Variants in MRC1 observed in about 807,000 individuals in gnomAD.
MRC1 encodes macrophage mannose receptor 1.
A neutral mutation model predicts 102.9 loss-of-function variants in MRC1; 62 were observed. The observed-to-expected ratio is 0.60, with a 90% CI of 0.49 to 0.74. The LOEUF (loss-of-function observed/expected upper bound fraction) is 0.74. Ranked by LOEUF, MRC1 falls within the 30% of genes least tolerant of loss-of-function variation. MRC1 has a pLI of 0.00. For missense variants in MRC1, 1,237 were observed against 862.8 expected (o/e 1.43, Z -5.43); for synonymous variants, 457 against 298.4 (o/e 1.53, Z -5.48).
intron 11 of MRC1, 84 bp from the exon 12 acceptor site, chr10:17,866,478 C>A: frequency 1.3e-6 from 1 of 779,892 alleles, no homozygotes; most frequent in East Asian, 2.4e-5. Flanking sequence ...AACCCTGATG[C>A]TCGGTTCTGA....
chr10:17,813,682 T>TTA lies in MRC1; in HGVS notation c.61+4174_61+4175dup, dbSNP rs1160018461. Among the ~76,000 whole-genome samples, 1,151 of 123,984 alleles carry TTA rather than the reference T, an allele frequency of 9.3e-3. 14 individuals carry two copies. The highest frequency in any genetic ancestry group is 0.025 in the African/African-American group (838 of 32,932). The allele number at this position is 123,984 out of a possible 152,430, so 81.3% of individuals were successfully genotyped here. ...ATATATACACACACACACACACACATTATATATATATATATATATTTTTTT... is the reference window on the plus strand; with the variant it reads ...ATATATACACACACACACACACACATTATATATATATATATATATATTTTTTT... On this transcript the variant is annotated intron_variant, in intron 1 of 29. Coordinates refer to ENST00000569591, the MANE Select transcript of MRC1 (RefSeq NM_002438.4).
At chr10:17,840,563 A>G (rs1462018029) in intron 4 of MRC1, 130 bp from the exon 5 acceptor site, 3 of 690,508 alleles carry the variant, frequency 4.3e-6, no homozygotes, top group South Asian at 3.4e-5. Flanking sequence ...CAAAGGAGAC[A>G]TGGTAGGCAT....
chr10:17,809,545 A>C lies in MRC1; in HGVS notation c.61+19A>C, dbSNP rs1838191061. On this transcript the variant is annotated intron_variant, in intron 1 of 29. Transcript: ENST00000569591. ...CTACTGGGTAAGTCTGCTCTGAGGC[A>C]GGGGATCTCTGACCTGGGGGGCCGG... 1 of 872,632 alleles carries C rather than the reference A, an allele frequency of 1.1e-6. No homozygotes were observed. The highest frequency in any genetic ancestry group is 1.7e-5 in the Admixed American group (1 of 59,164). 54.1% of individuals were successfully genotyped at this position (872,632 alleles called of 1,614,324 possible).
chr10:17,902,082 A>C lies in MRC1; in HGVS notation c.3759A>C (p.Thr1253=), dbSNP rs1479555827. ...GHCYYIESSY[T]RNWGQASLEC... is the part of the protein sequence containing the mutation. ...GTTACTATATTGAGTCCTCATATAC[A>C]AGAAACTGGGGCCAAGCTTCTCTGG... The change falls in exon 26 of 30, where the codon ACA becomes ACC. Residue 1253 remains threonine (T), a synonymous_variant. Transcript: ENST00000569591. 1 of 780,664 alleles carries C rather than the reference A, an allele frequency of 1.3e-6. No individual in the cohort carries two copies. Among genetic ancestry groups the C allele is most frequent in the Non-Finnish European group, 2.4e-6 (1 of 417,940 alleles). 48.4% of individuals were successfully genotyped at this position (780,664 alleles called of 1,614,324 possible).
intron 21 of MRC1, 82 bp from the exon 22 acceptor site, chr10:17,885,187 A>G: frequency 3.9e-6 from 3 of 774,400 alleles, no homozygotes; most frequent in Non-Finnish European, 7.2e-6. Flanking sequence ...AAATATTTTG[A>G]AATTCATATA....
At chr10:17,834,564 C>G (rs782023147) in intron 4 of MRC1, among the ~76,000 whole-genome samples, 28,758 of 152,064 alleles carry the variant, frequency 0.19, 3,025 homozygotes, top group Middle Eastern at 0.26. Context: ...AGGTGCTTGC[C>G]ACCATGCCCA....
At chr10:17,833,631 T>C (rs1838615769) in intron 3 of MRC1, 44 bp from the exon 4 acceptor site, 1 of 780,866 alleles carries the variant, frequency 1.3e-6, no homozygotes, top group Non-Finnish European at 2.4e-6. Context: ...CTGGAAGTGT[T>C]TTCTATGCAT....
chr10:17,811,077 G>A (rs1589159998), intron 1 of MRC1, among the ~76,000 whole-genome samples: 1 of 152,212 alleles, frequency 6.6e-6, no homozygotes, highest in Non-Finnish European at 1.5e-5. Flanking sequence ...ATAGGCATGA[G>A]CCACAGCGCC....
intron 21 of MRC1, among the ~76,000 whole-genome samples, chr10:17,884,646 A>C (rs1415193357): frequency 2.0e-5 from 3 of 152,174 alleles, no homozygotes; most frequent in Non-Finnish European, 4.4e-5. Context: ...AGCTCTTGTA[A>C]GAACTCATCT....
At chr10:17,862,377 C>T (rs972767997) in intron 10 of MRC1, among the ~76,000 whole-genome samples, 128 of 152,252 alleles carry the variant, frequency 8.4e-4, no homozygotes, top group African/African-American at 3.0e-3. Flanking sequence ...AAACTCAGAA[C>T]GTAGGTACTT....
chr10:17,853,444 G>GTA (rs1286720012), intron 8 of MRC1, among the ~76,000 whole-genome samples: 31,282 of 151,514 alleles, frequency 0.21, 3,255 homozygotes, highest in South Asian at 0.25. Flanking sequence ...TTATAATGGT[G>GTA]TATATATATA....
intron 28 of MRC1, among the ~76,000 whole-genome samples, chr10:17,908,058 T>G (rs1282785397): frequency 2.0e-5 from 3 of 152,212 alleles, no homozygotes; most frequent in Non-Finnish European, 2.9e-5. Context: ...ACCAGGGTTC[T>G]GGAGAGGGAT....
chr10:17,824,312 C>T (rs947418382), intron 2 of MRC1, among the ~76,000 whole-genome samples: 6 of 152,150 alleles, frequency 3.9e-5, no homozygotes, highest in Admixed American at 2.0e-4. Context: ...TTGGATACTT[C>T]GTTATTGTGA....
At position 17,910,477 on chromosome 10, in the gene MRC1, G is replaced by A. The variant is rs1179961528; in HGVS notation, c.*12G>A. 7 of 780,342 alleles carry A rather than the reference G, an allele frequency of 9.0e-6. No individual in the cohort carries two copies. Among genetic ancestry groups the A allele is most frequent in the East Asian group, 4.8e-5 (2 of 41,274 alleles). 48.3% of individuals were successfully genotyped at this position (780,342 alleles called of 1,614,324 possible). A position where few individuals can be genotyped will look rare whatever the true frequency, so the allele number is the denominator to read the frequency against. On this transcript the variant is annotated 3_prime_UTR_variant, in exon 30 of 30. Coordinates refer to ENST00000569591, the MANE Select transcript of MRC1 (RefSeq NM_002438.4). ...ACTCGGTCATCTAGTACCTCAATGC[G>A]ATTCTGAGATATTTGAATTTCATAA...
At chr10:17,872,773 C>T (rs1175115112) in intron 15 of MRC1, among the ~76,000 whole-genome samples, 4 of 152,174 alleles carry the variant, frequency 2.6e-5, no homozygotes, top group East Asian at 3.8e-4. Context: ...CCAGAGGATC[C>T]GAGTTCTAAT....
At chr10:17,839,477 C>A (rs1838717940) in intron 4 of MRC1, among the ~76,000 whole-genome samples, 1 of 141,756 alleles carries the variant, frequency 7.1e-6, no homozygotes, top group Non-Finnish European at 1.6e-5. Context: ...TAAGTTAGTA[C>A]AACTTTAAAG....
chr10:17,873,377 A>G (rs1833381509), intron 15 of MRC1, among the ~76,000 whole-genome samples: 1 of 152,214 alleles, frequency 6.6e-6, no homozygotes, highest in Admixed American at 6.5e-5. Flanking sequence ...TTACATACCA[A>G]TAACTCACAT....
chr10:17,822,340 T>C (rs1447107060), intron 1 of MRC1, among the ~76,000 whole-genome samples: 1 of 152,220 alleles, frequency 6.6e-6, no homozygotes, highest in African/African-American at 2.4e-5. Flanking sequence ...AATCCTATTC[T>C]AGTCTGGGCG....
chr10:17,841,909 A>G (rs1164132655), intron 5 of MRC1, among the ~76,000 whole-genome samples: 1 of 152,130 alleles, frequency 6.6e-6, no homozygotes, highest in Admixed American at 6.5e-5. Context: ...TTTTAAAGCC[A>G]TTGAGTGGTT....
Sources: allele counts gnomAD v4.1 joint callset (sites outside exome capture counted in the v4.1 genomes callset), GRCh38; gene constraint gnomAD v4.1.1; transcripts MANE v1.5; gene names NCBI Gene and HGNC (gene_info 2026-07-23, HGNC 2026-07-21).